The following SLC27A5 variants were observed in gnomAD, a reference collection of about 807,000 sequenced individuals.
The protein encoded by SLC27A5 is long-chain fatty acid transport protein 5.
A neutral mutation model predicts 63.1 loss-of-function variants in SLC27A5; 47 were observed. The observed-to-expected ratio is 0.74, with a 90% CI of 0.59 to 0.95. The LOEUF is 0.95. Ranked by LOEUF, SLC27A5 falls within the 40% of genes least tolerant of loss-of-function variation. SLC27A5 has a pLI of 0.00. For synonymous variants in SLC27A5, 391 were observed against 403.8 expected (o/e 0.97, Z 0.38); for missense variants, 940 against 921.0 (o/e 1.02, Z -0.27).
intron 3 of SLC27A5, among the ~76,000 whole-genome samples, chr19:58,506,091 T>C (rs2053343515): frequency 1.3e-5 from 2 of 150,136 alleles, no homozygotes; most frequent in African/African-American, 4.9e-5. Context: ...CCACCATGCC[T>C]GGCTTTTTTT....
intron 3 of SLC27A5, among the ~76,000 whole-genome samples, chr19:58,503,653 A>G (rs947725368): frequency 2.0e-5 from 3 of 152,062 alleles, no homozygotes; most frequent in African/African-American, 7.2e-5. Flanking sequence ...ACAGAGTGAG[A>G]CCCTGTCTCA....
Position 58,506,696 on chromosome 19 carries a change from G to A in SLC27A5, c.1057+3151C>T, listed in dbSNP as rs189714069. 4.7e-3 allele frequency among the ~76,000 whole-genome samples: 654 copies of A among 137,866 alleles called. 4 individuals carry two copies. Among genetic ancestry groups the A allele is most frequent in the African/African-American group, 0.017 (611 of 36,404 alleles). 90.4% of individuals were successfully genotyped at this position (137,866 alleles called of 152,430 possible). ...GAGTTTCACTCTTTTTGCAACCCCC[G>A]CCTCCCAGGTTGAAGCGATTTTCCT... is the stretch of plus-strand genomic sequence containing the variant. On this transcript the variant is annotated intron_variant, in intron 3 of 9. Transcript: ENST00000263093.
In SLC27A5 at chr19:58,501,268, C is replaced by G; in HGVS notation, c.1182+18G>C. 2 of 1,611,118 alleles carry G rather than the reference C, an allele frequency of 1.2e-6. No individual in the cohort carries two copies. Among genetic ancestry groups the G allele is most frequent in the Non-Finnish European group, 1.7e-6 (2 of 1,178,196 alleles). On this transcript the variant is annotated intron_variant, in intron 4 of 9. Coordinates refer to ENST00000263093, the MANE Select transcript of SLC27A5 (RefSeq NM_012254.3). ...ATACTTGGGTGTTCACCATGGAGCC[C>G]TAATCTTAGAGCCTCACCTGGGGAA...
At position 58,500,326 on chromosome 19, in the gene SLC27A5, T is replaced by C; in HGVS notation, c.1468+13A>G. 6.2e-7 allele frequency: 1 copy of C among 1,610,212 alleles called. No homozygotes were observed. Among genetic ancestry groups the C allele is most frequent in the Non-Finnish European group, 8.5e-7 (1 of 1,178,640 alleles). On this transcript the variant is annotated intron_variant, in intron 6 of 9. Coordinates refer to ENST00000263093, the MANE Select transcript of SLC27A5 (RefSeq NM_012254.3). ...ACCCCTGCCACCCAGGAAAGGCTCC[T>C]CAACCCCCATACCTAGCCCTACAGG...
At chr19:58,501,824 C>T (rs1568628247) in intron 3 of SLC27A5, among the ~76,000 whole-genome samples, 1 of 152,202 alleles carries the variant, frequency 6.6e-6, no homozygotes, top group Non-Finnish European at 1.5e-5. Context: ...CAAGCACCCG[C>T]CACCACAGCT....
In SLC27A5 at chr19:58,510,950, G is replaced by C. The variant is rs1455083316; in HGVS notation, c.689-20C>G. 3 of 1,553,540 alleles carry C rather than the reference G, an allele frequency of 1.9e-6. No individual in the cohort carries two copies. Among genetic ancestry groups the C allele is most frequent in the Non-Finnish European group, 2.6e-6 (3 of 1,145,616 alleles). ...GGAGGTCTGCAGAGATGGGTCAGAG[G>C]AGAAACAGAGGCAAGGCTCACCTTT... On this transcript the variant is annotated intron_variant, in intron 1 of 9. Coordinates refer to ENST00000263093, the MANE Select transcript of SLC27A5 (RefSeq NM_012254.3).
At chr19:58,500,261 G>C in intron 6 of SLC27A5, 78 bp downstream of exon 6, 1 of 1,238,504 alleles carries the variant, frequency 8.1e-7, no homozygotes, top group South Asian at 1.2e-5. Context: ...TCAAGCTTTT[G>C]AGCAGCTCGT....
chr19:58,499,260 G>T, intron 7 of SLC27A5, 40 bp from the exon 8 acceptor site: 1 of 1,588,912 alleles, frequency 6.3e-7, no homozygotes, highest in Non-Finnish European at 8.6e-7. Flanking sequence ...ACGCCCCCGG[G>T]AAGGAGAGGC....
intron 3 of SLC27A5, chr19:58,508,053 C>T (rs1298916828): frequency 1.3e-5 from 2 of 152,094 alleles, no homozygotes; most frequent in East Asian, 3.9e-4. Flanking sequence ...GTTTTTTGCC[C>T]TTTGAAGCAT....
chr19:58,509,948 A>G lies in SLC27A5; in HGVS notation c.956T>C (p.Leu319Pro). ...ATCAGCTGTGGCCCCAGATAAGGAC[A>G]GCATCTTGCTCATCTGCAGTACCCG... The part of the protein sequence containing the change: ...HERVLQMSKM[L>P]SLSGATADDV... The change falls in exon 3 of 10, where the codon CTG (leucine) becomes CCG (proline). Residue 319 changes from leucine to proline, a missense_variant. Transcript: ENST00000263093. The G allele has an allele frequency of 5.6e-6, 9 of 1,614,120 alleles. No homozygotes were observed. The highest frequency in any genetic ancestry group is 7.6e-6 in the Non-Finnish European group (9 of 1,180,024).
intron 1 of SLC27A5, 58 bp downstream of exon 1, chr19:58,511,208 CCT>C (rs1234453415): frequency 7.4e-6 from 11 of 1,477,962 alleles, no homozygotes; most frequent in Admixed American, 4.6e-5. Context: ...CAGCAGAACC[CCT>C]GTCCTATAGT....
Position 58,501,339 on chromosome 19 carries a change from T to A in SLC27A5, c.1129A>T (p.Thr377Ser). The A allele has an allele frequency of 6.2e-7, 1 of 1,613,856 alleles. No individual in the cohort carries two copies. Among genetic ancestry groups the A allele is most frequent in the Non-Finnish European group, 8.5e-7 (1 of 1,179,824 alleles). ...AGCTCGCCCACATACAGGATCACTGTCACGCCATGCTGCCGACAGTCATCC... is the reference window on the plus strand; with the variant it reads ...AGCTCGCCCACATACAGGATCACTGACACGCCATGCTGCCGACAGTCATCC... ...FWDDCRQHGVTVILYVGELLR... is the reference protein window; with the variant it reads ...FWDDCRQHGVSVILYVGELLR... Residue 377 changes from threonine (T) to serine (S), a missense_variant, in exon 4 of 10, where the codon ACA (threonine) becomes TCA (serine). Transcript: ENST00000263093.
chr19:58,502,931 G>GCA (rs1232074728), intron 3 of SLC27A5, among the ~76,000 whole-genome samples: 1 of 151,996 alleles, frequency 6.6e-6, no homozygotes. Context: ...AGGTGGCTGG[G>GCA]TGAGGATCGT....
intron 3 of SLC27A5, among the ~76,000 whole-genome samples, chr19:58,505,361 A>G (rs1272862007): frequency 1.3e-5 from 2 of 151,600 alleles, no homozygotes; most frequent in Non-Finnish European, 2.9e-5. Context: ...AGCCTCCCAA[A>G]GTGCTGGGAT....
chr19:58,499,714 A>C (rs753447229), intron 6 of SLC27A5, 24 bp from the exon 7 acceptor site: 6 of 1,604,316 alleles, frequency 3.7e-6, no homozygotes, highest in East Asian at 2.2e-5. Context: ...AGGAACAAGA[A>C]CCCCTGGAGC....
At chr19:58,506,333 G>A (rs997420632) in intron 3 of SLC27A5, among the ~76,000 whole-genome samples, 45 of 152,248 alleles carry the variant, frequency 3.0e-4, no homozygotes, top group African/African-American at 1.1e-3. Context: ...TCAGGAGTTC[G>A]AGACCAGCCT....
In SLC27A5 at chr19:58,498,642, A is replaced by G. The variant is rs777955521; in HGVS notation, c.1946T>C (p.Val649Ala). ...STFKLMKTRL[V>A]REGFNVGIVV... ...GATCCCCACATTGAAGCCCTCACGC[A>G]CCAACCGGGTCTTCATCAGTTTGAA... Residue 649 changes from valine (V) to alanine (A), a missense_variant, in exon 10 of 10, where the codon GTG becomes GCG. Physicochemically the swap from Val to Ala is moderately conservative, Grantham distance 64. Transcript: ENST00000263093. The G allele has an allele frequency of 4.3e-6, 7 of 1,614,130 alleles. No individual in the cohort carries two copies. Among genetic ancestry groups the G allele is most frequent in the South Asian group, 2.2e-5 (2 of 91,084 alleles).
rs557315698 is a variant in SLC27A5 at position 58,499,279 on chromosome 19, T to A, written c.1668-59A>T. ...CCCCGGGAAGGAGAGGCCCCGCCTC[T>A]TGCCCCCGCCCCGCCCCTTTTGGGG... On this transcript the variant is annotated intron_variant, in intron 7 of 9. Coordinates refer to ENST00000263093, the MANE Select transcript of SLC27A5 (RefSeq NM_012254.3). 90 of 1,526,766 alleles carry A rather than the reference T, an allele frequency of 5.9e-5. No homozygotes were observed. The African/African-American group carries it at 1.0e-3, about 17-fold the overall frequency. 94.6% of individuals were successfully genotyped at this position (1,526,766 alleles called of 1,614,324 possible).
At chr19:58,509,659 A>G in intron 3 of SLC27A5, 188 bp downstream of exon 3, 1 of 527,376 alleles carries the variant, frequency 1.9e-6, no homozygotes, top group Non-Finnish European at 3.3e-6. Context: ...AAGCATGGCC[A>G]TCAGGGACTG....
Sources: gnomAD v4.1 joint callset for allele counts (sites outside exome capture counted in the v4.1 genomes callset) on GRCh38, gnomAD v4.1.1 for gene constraint, MANE v1.5 for transcripts, NCBI Gene and HGNC (gene_info 2026-07-23, HGNC 2026-07-21) for gene names.